The following MBNL1 variants were observed in gnomAD, a reference collection of about 807,000 sequenced individuals.
MBNL1 encodes the protein muscleblind-like protein 1.
Under a neutral mutation model 42.2 loss-of-function variants are expected in MBNL1, and 8 were observed. The observed-to-expected ratio is 0.19, with a 90% CI of 0.11 to 0.34. The LOEUF is 0.34. Ranked by LOEUF, MBNL1 falls within the 10% of genes least tolerant of loss-of-function variation. MBNL1 has a pLI of 1.00. For missense variants in MBNL1, 309 were observed against 495.3 expected (o/e 0.62, Z 3.57); for synonymous variants, 169 against 173.9 (o/e 0.97, Z 0.22).
chr3:152,423,390 G>A (rs1033864620), intron 3 of MBNL1, among the ~76,000 whole-genome samples: 4 of 152,102 alleles, frequency 2.6e-5, no homozygotes, highest in African/African-American at 7.2e-5. Context: ...GGAAGAAGTC[G>A]AATCCCTGAA....
intron 1 of MBNL1, among the ~76,000 whole-genome samples, chr3:152,297,502 A>G (rs1352305226): frequency 6.6e-6 from 1 of 151,796 alleles, no homozygotes; most frequent in Admixed American, 6.6e-5. Context: ...GGTGCCTGCC[A>G]CCATGCCCGG....
At chr3:152,291,113 A>G (rs1031318290) in intron 1 of MBNL1, among the ~76,000 whole-genome samples, 13 of 152,178 alleles carry the variant, frequency 8.5e-5, no homozygotes, top group African/African-American at 3.1e-4. Context: ...GGTAAATAAA[A>G]CACTAATTAG....
At chr3:152,339,670 C>T (rs1373768726) in intron 2 of MBNL1, 4 of 152,062 alleles carry the variant, frequency 2.6e-5, no homozygotes, top group African/African-American at 9.7e-5. Flanking sequence ...TATTAGCTTA[C>T]TACCACATTG....
intron 9 of MBNL1, among the ~76,000 whole-genome samples, chr3:152,461,237 C>T (rs1291111767): frequency 6.6e-6 from 1 of 152,196 alleles, no homozygotes; most frequent in Non-Finnish European, 1.5e-5. Flanking sequence ...ATGAGAGGCT[C>T]AACTGGAGAA....
rs767373647 is a variant in MBNL1 at position 152,464,236 on chromosome 3, CAAA to C, written c.*1876_*1878del. 6.6e-6 allele frequency: 1 copy of C among 151,584 alleles called. No homozygotes were observed. The highest frequency in any genetic ancestry group is 2.4e-5 in the African/African-American group (1 of 41,250). 9.4% of individuals were successfully genotyped at this position (151,584 alleles called of 1,614,324 possible). ...TTTTACCAATGAATTTTTCAAAATA[CAAA>C]AAAAAGTAGTTTTTCCTTCATAACA... is the stretch of plus-strand genomic sequence containing the variant. On this transcript the variant is annotated 3_prime_UTR_variant, in exon 10 of 10. Transcript: ENST00000324210.
intron 2 of MBNL1, among the ~76,000 whole-genome samples, chr3:152,306,525 C>T (rs965132418): frequency 6.6e-6 from 1 of 152,184 alleles, no homozygotes; most frequent in Non-Finnish European, 1.5e-5. Flanking sequence ...CAAAGGTTCT[C>T]TGAGCTTCAG....
chr3:152,311,973 G>A (rs2066814299), intron 2 of MBNL1, among the ~76,000 whole-genome samples: 2 of 151,748 alleles, frequency 1.3e-5, no homozygotes, highest in Admixed American at 6.6e-5. Flanking sequence ...GGCGGATCAC[G>A]AGGTCAGGAG....
intron 3 of MBNL1, among the ~76,000 whole-genome samples, chr3:152,432,506 TTATTA>T (rs2099020355): frequency 6.6e-6 from 1 of 152,212 alleles, no homozygotes; most frequent in Non-Finnish European, 1.5e-5. Context: ...GATATTTTAC[TTATTA>T]TATTTTAGAA....
At chr3:152,437,728 C>T (rs2099097543) in intron 4 of MBNL1, among the ~76,000 whole-genome samples, 1 of 151,600 alleles carries the variant, frequency 6.6e-6, no homozygotes, top group Non-Finnish European at 1.5e-5. Flanking sequence ...TACTGACTAT[C>T]TTTTAAAAGA....
intron 2 of MBNL1, among the ~76,000 whole-genome samples, chr3:152,398,115 A>G (rs1016451547): frequency 6.6e-6 from 1 of 152,200 alleles, no homozygotes; most frequent in Non-Finnish European, 1.5e-5. Context: ...TGAAATTTGA[A>G]ATTATTTTAA....
rs569003006 is a variant in MBNL1, at chr3:152,450,735, C to T, written c.961+2962C>T. ...CTCATAGGGTTGGTTGTAAGAAACC[C>T]GCACAACCTAACACAGTAGCCCTGA... On this transcript the variant is annotated intron_variant, in intron 6 of 9. Transcript: ENST00000324210. Among the ~76,000 whole-genome samples the T allele has an allele frequency of 3.7e-4, 56 of 152,298 alleles. No individual in the cohort carries two copies. In the South Asian group the frequency reaches 0.011, roughly 30 times the overall value.
chr3:152,295,529 A>G lies in MBNL1; in HGVS notation c.-789-3876A>G, dbSNP rs150110873. 6.6e-3 allele frequency among the ~76,000 whole-genome samples: 1,011 copies of G among 152,300 alleles called. 18 individuals are homozygous for G. Among genetic ancestry groups the G allele is most frequent in the Admixed American group, 0.03 (456 of 15,300 alleles). On this transcript the variant is annotated intron_variant, in intron 1 of 9. Coordinates refer to ENST00000324210, the MANE Select transcript of MBNL1 (RefSeq NM_021038.5). ...AATGAAGTTTACTCATTTATCAAACATTTTAAAAAAAGATCTGTTATGTTC... is the reference window on the plus strand; with the variant it reads ...AATGAAGTTTACTCATTTATCAAACGTTTTAAAAAAAGATCTGTTATGTTC...
intron 2 of MBNL1, among the ~76,000 whole-genome samples, chr3:152,323,822 G>T (rs186104118): frequency 1.3e-5 from 2 of 152,290 alleles, no homozygotes; most frequent in East Asian, 3.9e-4. Context: ...CATCATATAT[G>T]TGGGTCCTTT....
chr3:152,300,149 TTTGTTGGTTTCACTG>T lies in MBNL1; in HGVS notation c.-44_-30del. On this transcript the variant is annotated 5_prime_UTR_variant, in exon 2 of 10. Transcript: ENST00000324210. ...GTTGCTCTTTTTTGGGGGGGTTGGG[TTTGTTGGTTTCACTG>T]AAACATTTAACTACCTGTAAAATCT... 1 of 1,351,022 alleles carries T rather than the reference TTTGTTGGTTTCACTG, an allele frequency of 7.4e-7. No individual in the cohort carries two copies. The highest frequency in any genetic ancestry group is 1.5e-5 in the African/African-American group (1 of 67,458). 83.7% of individuals were successfully genotyped at this position (1,351,022 alleles called of 1,614,324 possible). A position where few individuals can be genotyped will look rare whatever the true frequency, so the allele number is the denominator to read the frequency against.
At chr3:152,381,382 A>G (rs2097173681) in intron 2 of MBNL1, among the ~76,000 whole-genome samples, 1 of 152,022 alleles carries the variant, frequency 6.6e-6, no homozygotes, top group Non-Finnish European at 1.5e-5. Flanking sequence ...AAACAAACAA[A>G]CAAAAAAAAG....
In MBNL1 at chr3:152,312,384, G is replaced by C. The variant is rs538595115; in HGVS notation, c.174+12017G>C. On this transcript the variant is annotated intron_variant, in intron 2 of 9. Transcript: ENST00000324210. ...TCCTGAAACTCTTGCCACGCATTGT[G>C]TTTTGGCGATTTTCATGGTTGTACG... Among the ~76,000 whole-genome samples the C allele has an allele frequency of 4.6e-5, 7 of 152,284 alleles. No individual in the cohort carries two copies. The South Asian group carries it at 1.4e-3, about 32-fold the overall frequency.
rs2060165348 is a variant in MBNL1 at position 152,300,244 on chromosome 3, A to G, written c.51A>G (p.Glu17=). The part of the protein sequence containing the change: ...PIRDTKWLTL[E]VCREFQRGTC... Reference sequence around the variant, plus strand: ...GGGACACAAAATGGCTAACACTGGAAGTATGTAGAGAGTTCCAGAGGGGGA... The same window carrying G: ...GGGACACAAAATGGCTAACACTGGAGGTATGTAGAGAGTTCCAGAGGGGGA... The change falls in exon 2 of 10, where the codon GAA becomes GAG. Residue 17 remains glutamate, a synonymous_variant. Transcript: ENST00000324210. 1.2e-6 allele frequency: 2 copies of G among 1,613,368 alleles called. No homozygotes were observed. The highest frequency in any genetic ancestry group is 1.1e-5 in the South Asian group (1 of 90,972).
intron 2 of MBNL1, 144 bp from the exon 3 acceptor site, chr3:152,414,797 T>C: frequency 1.4e-6 from 1 of 717,862 alleles, no homozygotes; most frequent in South Asian, 1.8e-5. Context: ...TTACTTGTTC[T>C]AAATGTATGA....
chr3:152,450,145 A>G lies in MBNL1; in HGVS notation c.961+2372A>G, dbSNP rs572024785. ...CACACAAAACAACAACAACAAATAT[A>G]TATACACACACACACACATATTTCT... is the stretch of plus-strand genomic sequence containing the variant. On this transcript the variant is annotated intron_variant, in intron 6 of 9. Transcript: ENST00000324210. Among the ~76,000 whole-genome samples, 4 of 151,490 alleles carry G rather than the reference A, an allele frequency of 2.6e-5. No individual in the cohort carries two copies. In the East Asian group the frequency reaches 5.8e-4, roughly 22 times the overall value.
Sources: allele counts gnomAD v4.1 joint callset (sites outside exome capture counted in the v4.1 genomes callset), GRCh38; gene constraint gnomAD v4.1.1; transcripts MANE v1.5; gene names NCBI Gene and HGNC (gene_info 2026-07-23, HGNC 2026-07-21).